ZNF665: variants seen among roughly 807,000 people sequenced by gnomAD.
The protein encoded by ZNF665 is zinc finger protein 665.
A neutral mutation model predicts 7.9 loss-of-function variants in ZNF665; 6 were observed. The ratio of observed to expected loss-of-function variants is 0.76; its 90% confidence interval spans 0.42 to 1.50. The LOEUF (loss-of-function observed/expected upper bound fraction) is 1.50. ZNF665 is among the 40% of genes most tolerant of loss of function. ZNF665 has a pLI of 0.01. For synonymous variants in ZNF665, 242 were observed against 274.5 expected (o/e 0.88, Z 1.17); for missense variants, 819 against 806.7 (o/e 1.02, Z -0.18).
chr19:53,176,922 C>A (rs549859456), intron 2 of ZNF665, among the ~76,000 whole-genome samples: 3 of 152,038 alleles, frequency 2.0e-5, no homozygotes, highest in Admixed American at 2.0e-4. Flanking sequence ...GAGTTCGAGA[C>A]GAGCCTGGCC....
intron 3 of ZNF665, 132 bp from the exon 4 acceptor site, chr19:53,166,479 A>G: frequency 1.2e-6 from 1 of 824,204 alleles, no homozygotes; most frequent in Non-Finnish European, 1.8e-6. Flanking sequence ...CAGAACCATA[A>G]TTTTCCAGAA....
At chr19:53,177,681 CGAT>C (rs2090708858) in intron 2 of ZNF665, among the ~76,000 whole-genome samples, 1 of 152,064 alleles carries the variant, frequency 6.6e-6, no homozygotes, top group African/African-American at 2.4e-5. Context: ...GTGTCTTCAA[CGAT>C]GATAATATCC....
At chr19:53,171,051 C>T (rs1264376943) in intron 3 of ZNF665, among the ~76,000 whole-genome samples, 1 of 151,946 alleles carries the variant, frequency 6.6e-6, no homozygotes, top group East Asian at 1.9e-4. Context: ...GTGGCACAAT[C>T]TCACCTCACT....
At chr19:53,191,547 T>C (rs2090816827) in intron 1 of ZNF665, among the ~76,000 whole-genome samples, 1 of 152,178 alleles carries the variant, frequency 6.6e-6, no homozygotes, top group African/African-American at 2.4e-5. Context: ...ATATAAAATT[T>C]GTTAGATTAT....
At position 53,165,025 on chromosome 19, in the gene ZNF665, C is replaced by T; in HGVS notation, c.1465G>A (p.Asp489Asn). 2 of 1,613,604 alleles carry T rather than the reference C, an allele frequency of 1.2e-6. No homozygotes were observed. Among genetic ancestry groups the T allele is most frequent in the African/African-American group, 2.7e-5 (2 of 74,830 alleles). The change falls in exon 4 of 4, where the codon GAT becomes AAT. Residue 489 changes from aspartate to asparagine, a missense_variant. Physicochemically the swap from Asp to Asn is conservative, Grantham distance 23. Transcript: ENST00000396424. ...TGACTGAAGGCTTTACCACATTCAT[C>T]ACACTTGTAAGGTTTCTCTCCAGAA... ...IHSGEKPYKC[D>N]ECGKAFSQTS...
Position 53,164,499 on chromosome 19 carries a change from G to A in ZNF665, c.1991C>T (p.Thr664Ile). 6.2e-7 allele frequency: 1 copy of A among 1,607,648 alleles called. No homozygotes were observed. The highest frequency in any genetic ancestry group is 8.5e-7 in the Non-Finnish European group (1 of 1,177,394). The change falls in exon 4 of 4, where the codon ACT becomes ATT. Residue 664 changes from threonine to isoleucine, a missense_variant. Coordinates refer to ENST00000396424, the MANE Select transcript of ZNF665 (RefSeq NM_024733.5). Reference protein sequence around the residue: ...YKCNQCGKVFTQNSNLAKHRR... With the variant: ...YKCNQCGKVFIQNSNLAKHRR... ...ATGTTTTGCAAGGTTTGAATTTTGA[G>A]TAAAGACCTTGCCACATTGGTTACA... is the stretch of plus-strand genomic sequence containing the variant.
rs1415742990 is a variant in ZNF665, at chr19:53,165,319, T to C, written c.1171A>G (p.Lys391Glu). The C allele has an allele frequency of 2.5e-6, 4 of 1,613,346 alleles. No individual in the cohort carries two copies. The African/African-American group carries it at 5.3e-5, about 22-fold the overall frequency. ...KAFSMHSNLT[K>E]HQIIHTGEKP... is the part of the protein sequence containing the mutation. ...TCTCCGGTATGGATGATCTGATGCT[T>C]AGTTAAGTTTGAATGCATACTGAAG... The change falls in exon 4 of 4, where the codon AAG becomes GAG. Residue 391 changes from lysine to glutamate, a missense_variant. Physicochemically the swap from Lys to Glu is moderately conservative, Grantham distance 56. Coordinates refer to ENST00000396424, the MANE Select transcript of ZNF665 (RefSeq NM_024733.5).
At chr19:53,191,362 A>G (rs971769112) in intron 1 of ZNF665, among the ~76,000 whole-genome samples, 1 of 152,158 alleles carries the variant, frequency 6.6e-6, no homozygotes, top group Non-Finnish European at 1.5e-5. Context: ...ACCCCATCCT[A>G]GGAAAAGGAA....
At chr19:53,184,309 ACTTAT>A (rs1369023845) in intron 1 of ZNF665, among the ~76,000 whole-genome samples, 16 of 152,262 alleles carry the variant, frequency 1.1e-4, no homozygotes, top group Admixed American at 2.0e-4. Flanking sequence ...TCTTTAATCC[ACTTAT>A]CTTATTTTTA....
intron 2 of ZNF665, chr19:53,180,936 T>A (rs1003444581): frequency 3.3e-5 from 5 of 152,210 alleles, no homozygotes; most frequent in Admixed American, 6.5e-5. Flanking sequence ...GGACATTTTT[T>A]AATATCATAC....
chr19:53,165,832 T>A lies in ZNF665; in HGVS notation c.658A>T (p.Asn220Tyr). ...KCGKAFTVRS[N>Y]LTIHQVIHTG... ...TGGATGACCTGATGGATTGTTAGGT[T>A]TGAACGAACAGTAAAGGCTTTGCCA... Residue 220 changes from asparagine to tyrosine, a missense_variant, in exon 4 of 4, where the codon AAC (asparagine) becomes TAC (tyrosine). Transcript: ENST00000396424. The A allele has an allele frequency of 1.9e-6, 3 of 1,614,150 alleles. No individual in the cohort carries two copies. Among genetic ancestry groups the A allele is most frequent in the Middle Eastern group, 1.6e-4 (1 of 6,062 alleles).
At position 53,176,645 on chromosome 19, in the gene ZNF665, C is replaced by T. The variant is rs116574044; in HGVS notation, c.16-1074G>A. The stretch of plus-strand genomic sequence containing the variant: ...TGAATGGCAATGAGGTGGCTGCACC[C>T]TTGTGGGACTGAGCCCTACACCTGT... On this transcript the variant is annotated intron_variant, in intron 2 of 3. Transcript: ENST00000396424. Among the ~76,000 whole-genome samples, 1,117 of 152,274 alleles carry T rather than the reference C, an allele frequency of 7.3e-3. 12 individuals carry two copies. The highest frequency in any genetic ancestry group is 0.025 in the African/African-American group (1,038 of 41,554).
chr19:53,180,352 G>C (rs2090729166), intron 2 of ZNF665, among the ~76,000 whole-genome samples: 2 of 151,786 alleles, frequency 1.3e-5, no homozygotes, highest in African/African-American at 4.8e-5. Flanking sequence ...AGAATTGCTT[G>C]AACCTAGGAA....
At chr19:53,190,440 A>G in intron 1 of ZNF665, 1 of 152,216 alleles carries the variant, frequency 6.6e-6, no homozygotes, top group Non-Finnish European at 1.5e-5. Flanking sequence ...TCTGCAGTGC[A>G]CTCCCAGTGG....
chr19:53,164,794 C>T lies in ZNF665; in HGVS notation c.1696G>A (p.Gly566Ser). ...TCATTACACTTATAAGGTTTCTCAC[C>T]AGTGTGAATTCTCTGATGAATTGCA... Reference protein sequence around the residue: ...YLAIHQRIHTGEKPYKCNECG... With the variant: ...YLAIHQRIHTSEKPYKCNECG... Residue 566 changes from glycine to serine, a missense_variant, in exon 4 of 4, where the codon GGT (glycine) becomes AGT (serine). Gly to Ser is a moderately conservative substitution (Grantham distance 56). Coordinates refer to ENST00000396424, the MANE Select transcript of ZNF665 (RefSeq NM_024733.5). 6.2e-7 allele frequency: 1 copy of T among 1,614,144 alleles called. No homozygotes were observed. The highest frequency in any genetic ancestry group is 8.5e-7 in the Non-Finnish European group (1 of 1,180,022).
At position 53,182,915 on chromosome 19, in the gene ZNF665, T is replaced by G. The variant is rs745485645; in HGVS notation, c.-17A>C. 2 of 1,609,344 alleles carry G rather than the reference T, an allele frequency of 1.2e-6. No individual in the cohort carries two copies. Among genetic ancestry groups the G allele is most frequent in the South Asian group, 1.1e-5 (1 of 91,074 alleles). ...AAGAGCCATCCCTGACTCCTTTGCC[T>G]TCCTCTTCCTCTTCTTCCAGGGTTC... is the stretch of plus-strand genomic sequence containing the variant. On this transcript the variant is annotated 5_prime_UTR_variant, in exon 2 of 4. Coordinates refer to ENST00000396424, the MANE Select transcript of ZNF665 (RefSeq NM_024733.5).
Position 53,168,148 on chromosome 19 carries a change from ATT to A in ZNF665, c.143-1803_143-1802del, listed in dbSNP as rs57555440. On this transcript the variant is annotated intron_variant, in intron 3 of 3. Coordinates refer to ENST00000396424, the MANE Select transcript of ZNF665 (RefSeq NM_024733.5). The stretch of plus-strand genomic sequence containing the variant: ...CACAGGATATAAGAACTGGAATATA[ATT>A]TTTTTTTATGAAATAAAACTGTCTT... 3.1e-4 allele frequency among the ~76,000 whole-genome samples: 46 copies of A among 150,164 alleles called. 1 individual carries two copies. The East Asian group carries it at 4.9e-3, about 16-fold the overall frequency.
rs1408336487 is a variant in ZNF665 at position 53,182,607 on chromosome 19, C to G, written c.15+277G>C. 2.7e-5 allele frequency: 20 copies of G among 746,782 alleles called. No homozygotes were observed. The East Asian group carries it at 5.1e-4, about 19-fold the overall frequency. 46.3% of individuals were successfully genotyped at this position (746,782 alleles called of 1,614,324 possible). A position where few individuals can be genotyped will look rare whatever the true frequency, so the allele number is the denominator to read the frequency against. The stretch of plus-strand genomic sequence containing the variant: ...GTCCTGAACAATCCCTGTTGCCCAA[C>G]AGCACTGACACCACGGGACCCTCAC... On this transcript the variant is annotated intron_variant, in intron 2 of 3. Coordinates refer to ENST00000396424, the MANE Select transcript of ZNF665 (RefSeq NM_024733.5).
Position 53,165,016 on chromosome 19 carries a change from C to T in ZNF665, c.1474G>A (p.Gly492Ser). 6.2e-7 allele frequency: 1 copy of T among 1,614,004 alleles called. No homozygotes were observed. The highest frequency in any genetic ancestry group is 8.5e-7 in the Non-Finnish European group (1 of 1,179,974). The change falls in exon 4 of 4, where the codon GGT (glycine) becomes AGT (serine). Residue 492 changes from glycine to serine, a missense_variant. Physicochemically the swap from Gly to Ser is moderately conservative, Grantham distance 56. Coordinates refer to ENST00000396424, the MANE Select transcript of ZNF665 (RefSeq NM_024733.5). ...GEKPYKCDEC[G>S]KAFSQTSQLA... ...TGTGATGTTTGACTGAAGGCTTTAC[C>T]ACATTCATCACACTTGTAAGGTTTC...
Sources: allele counts gnomAD v4.1 joint callset (sites outside exome capture counted in the v4.1 genomes callset), GRCh38; gene constraint gnomAD v4.1.1; transcripts MANE v1.5; gene names NCBI Gene and HGNC (gene_info 2026-07-23, HGNC 2026-07-21).